CHST15: variants seen among roughly 807,000 people sequenced by gnomAD.
CHST15 encodes the protein B cell RAG associated protein (GALNAC4S-6ST).
CHST15 carries 30 observed loss-of-function variants against 53.6 expected under a neutral mutation model. That is an observed-to-expected ratio of 0.56 (90% CI 0.42 to 0.76). CHST15 has a LOEUF of 0.76. CHST15 is among the 30% of genes least tolerant of loss of function. The pLI is 0.00. For missense variants in CHST15, 627 were observed against 740.5 expected (o/e 0.85, Z 1.78); for synonymous variants, 296 against 289.8 (o/e 1.02, Z -0.22).
At chr10:124,037,026 C>T (rs948358396) in intron 5 of CHST15, among the ~76,000 whole-genome samples, 8 of 152,142 alleles carry the variant, frequency 5.3e-5, no homozygotes, top group African/African-American at 1.9e-4. Context: ...AGAATCTGTT[C>T]CACTCCTCTC....
At chr10:124,072,862 A>G (rs1564907909) in intron 1 of CHST15, among the ~76,000 whole-genome samples, 1 of 152,176 alleles carries the variant, frequency 6.6e-6, no homozygotes, top group African/African-American at 2.4e-5. Context: ...TATCTCTTCC[A>G]GTGCACCCAT....
At chr10:124,039,588 C>T (rs1385575643) in intron 4 of CHST15, among the ~76,000 whole-genome samples, 1 of 152,240 alleles carries the variant, frequency 6.6e-6, no homozygotes, top group African/African-American at 2.4e-5. Flanking sequence ...TGAACGGGAA[C>T]TGGGTCCCAG....
At chr10:124,044,999 C>G in intron 2 of CHST15, 80 bp from the exon 3 acceptor site, 1 of 920,580 alleles carries the variant, frequency 1.1e-6, no homozygotes, top group East Asian at 3.0e-5. Flanking sequence ...GGGAACCTGC[C>G]CTGAGACTGA....
rs1332910540 is a variant in CHST15 at position 124,036,019 on chromosome 10, C to G, written c.1190+2496G>C. Among the ~76,000 whole-genome samples, 6 of 152,256 alleles carry G rather than the reference C, an allele frequency of 3.9e-5. No homozygotes were observed. Among genetic ancestry groups the G allele is most frequent in the Admixed American group, 3.9e-4 (6 of 15,284 alleles). On this transcript the variant is annotated intron_variant, in intron 5 of 7. Coordinates refer to ENST00000435907, the MANE Select transcript of CHST15 (RefSeq NM_001270764.2). This position sits in a 1 kb window ranked among gnomAD's most constrained non-coding sequence, Gnocchi z 5.1. ...ACAGTACACAAGGCTGCTGTGTGCACTCTCGGCCCCTGAGGTTAAGGCGTG... is the reference window on the plus strand; with the variant it reads ...ACAGTACACAAGGCTGCTGTGTGCAGTCTCGGCCCCTGAGGTTAAGGCGTG...
intron 5 of CHST15, among the ~76,000 whole-genome samples, chr10:124,023,311 C>T (rs1422349078): frequency 6.6e-6 from 1 of 151,778 alleles, no homozygotes; most frequent in African/African-American, 2.4e-5. Context: ...ATAGTGAAAC[C>T]TTGTCTCTAC....
intron 5 of CHST15, among the ~76,000 whole-genome samples, chr10:124,025,200 T>C (rs1946948893): frequency 6.6e-6 from 1 of 152,250 alleles, no homozygotes; most frequent in Non-Finnish European, 1.5e-5. Context: ...TTCCATACAA[T>C]TCTTCAGAGA....
At chr10:124,050,037 C>T (rs777278936) in intron 1 of CHST15, among the ~76,000 whole-genome samples, 15 of 151,670 alleles carry the variant, frequency 9.9e-5, no homozygotes, top group Non-Finnish European at 1.6e-4. Context: ...CTGCGGTGGG[C>T]GTGGGGGTGG....
intron 1 of CHST15, among the ~76,000 whole-genome samples, chr10:124,093,020 C>T (rs1949651033): frequency 6.6e-6 from 1 of 152,206 alleles, no homozygotes; most frequent in South Asian, 2.1e-4. Flanking sequence ...CCTGTCCCCT[C>T]GCTCCGGCCG....
chr10:124,010,335 G>C lies in CHST15; in HGVS notation c.1500C>G (p.Pro500=). The C allele has an allele frequency of 6.3e-7, 1 of 1,593,478 alleles. No individual in the cohort carries two copies. Among genetic ancestry groups the C allele is most frequent in the Non-Finnish European group, 8.6e-7 (1 of 1,169,240 alleles). Residue 500 remains proline, a synonymous_variant, in exon 8 of 8, where the codon CCC becomes CCG. Transcript: ENST00000435907. Reference sequence around the variant, plus strand: ...TCAAAGCCTCCTGCTTCTCACTTAAGGGCCCTAGAATAAAAGAAGACGAGT... The same window carrying C: ...TCAAAGCCTCCTGCTTCTCACTTAACGGCCCTAGAATAAAAGAAGACGAGT... The part of the protein sequence containing the change: ...HKVFQFLNLG[P]LSEKQEALMT...
intron 4 of CHST15, 119 bp from the exon 5 acceptor site, chr10:124,038,790 C>T (rs1947622190): frequency 9.5e-7 from 1 of 1,052,428 alleles, no homozygotes; most frequent in Non-Finnish European, 1.4e-6. Flanking sequence ...CGGGAGAGGC[C>T]AAGCTGTCAG....
chr10:124,092,806 C>T (rs992153484), intron 1 of CHST15, among the ~76,000 whole-genome samples: 1 of 152,244 alleles, frequency 6.6e-6, no homozygotes, highest in Non-Finnish European at 1.5e-5. Flanking sequence ...TACCGCCAAA[C>T]GACGCGCGCT....
intron 1 of CHST15, among the ~76,000 whole-genome samples, chr10:124,057,294 C>T (rs1474871915): frequency 6.6e-6 from 1 of 152,198 alleles, no homozygotes; most frequent in Non-Finnish European, 1.5e-5. Context: ...TGCTCAGAGG[C>T]CAGTGATTTT....
Position 124,081,856 on chromosome 10 carries a change from T to C in CHST15, c.-513+11613A>G, listed in dbSNP as rs1035875586. Among the ~76,000 whole-genome samples the C allele has an allele frequency of 4.6e-5, 7 of 152,240 alleles. No homozygotes were observed. In the South Asian group the frequency reaches 1.5e-3, roughly 32 times the overall value. On this transcript the variant is annotated intron_variant, in intron 1 of 7. Coordinates refer to ENST00000435907, the MANE Select transcript of CHST15 (RefSeq NM_001270764.2). The stretch of plus-strand genomic sequence containing the variant: ...CCAGCGTACCCTTGAAAAAACAACT[T>C]CCTAATGTATCCTGGAGTCACAATT...
rs547614148 is a variant in CHST15, at chr10:124,069,285, A to T, written c.-512-22561T>A. Among the ~76,000 whole-genome samples, 10 of 152,342 alleles carry T rather than the reference A, an allele frequency of 6.6e-5. No homozygotes were observed. In the South Asian group the frequency reaches 2.1e-3, roughly 32 times the overall value. ...CTTCTGCAGGCTCAGCTCTAGTACA[A>T]ATCAGTGCCATACAGATAATAAATA... On this transcript the variant is annotated intron_variant, in intron 1 of 7. Transcript: ENST00000435907.
At position 124,036,799 on chromosome 10, in the gene CHST15, A is replaced by C. The variant is rs1266730173; in HGVS notation, c.1190+1716T>G. On this transcript the variant is annotated intron_variant, in intron 5 of 7. Coordinates refer to ENST00000435907, the MANE Select transcript of CHST15 (RefSeq NM_001270764.2). The surrounding 1 kb of genome is among the most constrained non-coding windows in gnomAD (Gnocchi z 5.1). ...CAATATATGTTCCAAAATTTCCACA[A>C]CAAACACGCCTTATTGTTATAATTG... Among the ~76,000 whole-genome samples, 1 of 152,238 alleles carries C rather than the reference A, an allele frequency of 6.6e-6. No individual in the cohort carries two copies.
intron 1 of CHST15, among the ~76,000 whole-genome samples, chr10:124,069,375 C>G (rs1401593361): frequency 6.6e-6 from 1 of 152,214 alleles, no homozygotes; most frequent in East Asian, 1.9e-4. Flanking sequence ...GGACCCCCCC[C>G]CCAACTATTG....
At chr10:124,079,842 C>G (rs1355426563) in intron 1 of CHST15, among the ~76,000 whole-genome samples, 1 of 152,202 alleles carries the variant, frequency 6.6e-6, no homozygotes, top group Admixed American at 6.5e-5. Context: ...CCTCATCCCC[C>G]TCCAAAGGGT....
chr10:124,009,069 T>C lies in CHST15; in HGVS notation c.*1080A>G, dbSNP rs772662939. 116 of 1,284,338 alleles carry C rather than the reference T, an allele frequency of 9.0e-5. 2 individuals carry two copies. In the African/African-American group the frequency reaches 1.5e-3, roughly 16 times the overall value. The allele number at this position is 1,284,338 out of a possible 1,614,324, so 79.6% of individuals were successfully genotyped here. ...TAGTCCCTTGCTGGGTGAGGAACTT[T>C]GACCACACGCAGTGGAGAATGTGGA... On this transcript the variant is annotated 3_prime_UTR_variant, in exon 8 of 8. Transcript: ENST00000435907.
chr10:124,045,027 G>T, intron 2 of CHST15, 108 bp from the exon 3 acceptor site: 3 of 520,030 alleles, frequency 5.8e-6, no homozygotes, highest in Non-Finnish European at 8.2e-6. Context: ...GTTCAAATTT[G>T]AACTAATATT....
Sources: allele counts gnomAD v4.1 joint callset (sites outside exome capture counted in the v4.1 genomes callset), GRCh38; gene constraint gnomAD v4.1.1; non-coding constraint Gnocchi (gnomAD v3.1); transcripts MANE v1.5; gene names NCBI Gene and HGNC (gene_info 2026-07-23, HGNC 2026-07-21).